The following ALPK1 variants were observed in gnomAD, a reference collection of about 807,000 sequenced individuals.
ALPK1 encodes alpha kinase 1.
A neutral mutation model predicts 120.6 loss-of-function variants in ALPK1; 110 were observed. The ratio of observed to expected loss-of-function variants is 0.91; its 90% CI spans 0.78 to 1.07. ALPK1 has a LOEUF of 1.07. Ranked by LOEUF, ALPK1 falls within the 50% of genes least tolerant of loss-of-function variation. ALPK1 has a pLI of 0.00. For synonymous variants in ALPK1, 582 were observed against 560.3 expected (o/e 1.04, Z -0.55); for missense variants, 1,498 against 1,483.9 (o/e 1.01, Z -0.16).
chr4:112,342,549 C>A (rs998459274), intron 2 of ALPK1, among the ~76,000 whole-genome samples: 3 of 152,000 alleles, frequency 2.0e-5, no homozygotes, highest in Non-Finnish European at 2.9e-5. Context: ...AAAGCATGAC[C>A]TCAGGCTCCT....
chr4:112,350,853 T>G (rs1297797803), intron 2 of ALPK1, among the ~76,000 whole-genome samples: 9 of 152,206 alleles, frequency 5.9e-5, no homozygotes, highest in Non-Finnish European at 5.9e-5. Context: ...TATTTTCCCC[T>G]ACTTTATGAC....
intron 5 of ALPK1, among the ~76,000 whole-genome samples, chr4:112,413,218 A>G (rs1055648882): frequency 2.0e-5 from 3 of 152,340 alleles, no homozygotes; most frequent in Admixed American, 6.5e-5. Flanking sequence ...TCTGAGGGGA[A>G]CAGAGTGGTG....
At position 112,380,392 on chromosome 4, in the gene ALPK1, G is replaced by A. The variant is rs148549694; in HGVS notation, c.122-2006G>A. On this transcript the variant is annotated intron_variant, in intron 3 of 15. Coordinates refer to ENST00000650871, the MANE Select transcript of ALPK1 (RefSeq NM_025144.4). ...CACACAGTAGATGCTCAGTAGTCCTGGACTGCTCAATGGAGATAGGGGGTG... is the reference window on the plus strand; with the variant it reads ...CACACAGTAGATGCTCAGTAGTCCTAGACTGCTCAATGGAGATAGGGGGTG... Among the ~76,000 whole-genome samples the A allele has an allele frequency of 6.9e-3, 1,058 of 152,246 alleles. 6 individuals are homozygous for A. The highest frequency in any genetic ancestry group is 0.011 in the Non-Finnish European group (750 of 68,000).
chr4:112,418,612 T>C (rs1733850707), intron 5 of ALPK1, among the ~76,000 whole-genome samples: 1 of 152,132 alleles, frequency 6.6e-6, no homozygotes, highest in Non-Finnish European at 1.5e-5. Flanking sequence ...TGCAGCGTCC[T>C]TCCACACCCC....
At position 112,427,679 on chromosome 4, in the gene ALPK1, C is replaced by T; in HGVS notation, c.795+14C>T. On this transcript the variant is annotated intron_variant, in intron 9 of 15. Coordinates refer to ENST00000650871, the MANE Select transcript of ALPK1 (RefSeq NM_025144.4). ...CAAATTAATTTGGTAATTATCATAA[C>T]ACTGAGTGGCATCACCTGTAAAATT... The T allele has an allele frequency of 6.4e-7, 1 of 1,554,642 alleles. No homozygotes were observed. Among genetic ancestry groups the T allele is most frequent in the Non-Finnish European group, 8.9e-7 (1 of 1,126,328 alleles).
intron 2 of ALPK1, among the ~76,000 whole-genome samples, chr4:112,366,194 A>G (rs1731143236): frequency 6.6e-6 from 1 of 152,186 alleles, no homozygotes; most frequent in Non-Finnish European, 1.5e-5. Flanking sequence ...TGCAACAAAA[A>G]CAAAGATAAA....
intron 2 of ALPK1, chr4:112,359,584 C>G (rs1282240323): frequency 2.4e-5 from 6 of 249,326 alleles, no homozygotes; most frequent in African/African-American, 1.4e-4. Flanking sequence ...GCTTCCCAAC[C>G]AGACCGCTCA....
At chr4:112,313,274 G>A (rs950782967) in intron 1 of ALPK1, among the ~76,000 whole-genome samples, 1 of 152,222 alleles carries the variant, frequency 6.6e-6, no homozygotes, top group African/African-American at 2.4e-5. Flanking sequence ...AACATCAAGA[G>A]ATCTAGAAGA....
At chr4:112,428,290 C>A (rs564419388) in intron 9 of ALPK1, among the ~76,000 whole-genome samples, 2 of 152,228 alleles carry the variant, frequency 1.3e-5, no homozygotes, top group South Asian at 4.2e-4. Flanking sequence ...TCTGACCAGC[C>A]CAGAGAAGTG....
chr4:112,432,105 AG>A lies in ALPK1; in HGVS notation c.2560del (p.Glu854ArgfsTer24). 6.2e-7 allele frequency: 1 copy of A among 1,614,178 alleles called. No homozygotes were observed. Among genetic ancestry groups the A allele is most frequent in the Non-Finnish European group, 8.5e-7 (1 of 1,180,008 alleles). ...GIDPDASTVD[E>X]EGQLLDSMDV... ...GACCCTGATGCCTCCACAGTGGATG[AG>A]GAGGGGCAACTGCTCGACAGCATGG... On this transcript the variant is annotated frameshift_variant, in exon 11 of 16. Transcript: ENST00000650871. LOFTEE classifies it high-confidence loss of function.
intron 10 of ALPK1, among the ~76,000 whole-genome samples, chr4:112,429,711 G>A (rs756334702): frequency 1.3e-4 from 20 of 151,722 alleles, no homozygotes; most frequent in Admixed American, 8.5e-4. Context: ...GTGGTGGTAC[G>A]TGCCTATAGT....
At chr4:112,358,861 C>A (rs34011476) in intron 2 of ALPK1, 72,164 of 782,730 alleles carry the variant, frequency 0.092, 4,401 homozygotes, top group Non-Finnish European at 0.12. Flanking sequence ...CACAAGGGTT[C>A]CGATGACTTT....
chr4:112,352,347 C>G (rs972274598), intron 2 of ALPK1, among the ~76,000 whole-genome samples: 1 of 152,184 alleles, frequency 6.6e-6, no homozygotes, highest in Non-Finnish European at 1.5e-5. Context: ...CTCAAAAAAT[C>G]CACAATTCTG....
chr4:112,309,330 T>C (rs1322099092), intron 1 of ALPK1, among the ~76,000 whole-genome samples: 2 of 152,166 alleles, frequency 1.3e-5, no homozygotes, highest in Non-Finnish European at 2.9e-5. Flanking sequence ...TGTTCAGCTA[T>C]GCCCTGCCCC....
rs900509226 is a variant in ALPK1 at position 112,411,655 on chromosome 4, T to C, written c.277-172T>C. The stretch of plus-strand genomic sequence containing the variant: ...AAGGAAATACTATTTTATTGCACAA[T>C]TGAACTGGACTTTTCTATTTTCTTT... On this transcript the variant is annotated intron_variant, in intron 4 of 15. Coordinates refer to ENST00000650871, the MANE Select transcript of ALPK1 (RefSeq NM_025144.4). The C allele has an allele frequency of 1.1e-5, 7 of 629,580 alleles. No individual in the cohort carries two copies. The African/African-American group carries it at 1.3e-4, about 12-fold the overall frequency. The allele number at this position is 629,580 out of a possible 1,614,324, so 39.0% of individuals were successfully genotyped here.
intron 2 of ALPK1, among the ~76,000 whole-genome samples, chr4:112,317,625 T>C (rs1230249813): frequency 1.3e-5 from 2 of 152,156 alleles, no homozygotes; most frequent in African/African-American, 4.8e-5. Context: ...ATGGCTTCAT[T>C]GTAAGTTTTG....
intron 1 of ALPK1, among the ~76,000 whole-genome samples, chr4:112,311,121 G>A (rs1357665891): frequency 6.6e-6 from 1 of 152,200 alleles, no homozygotes; most frequent in Non-Finnish European, 1.5e-5. Context: ...TTGGAAGCAG[G>A]AGACTTACTG....
intron 12 of ALPK1, among the ~76,000 whole-genome samples, chr4:112,437,751 A>G (rs1734848768): frequency 6.6e-6 from 1 of 152,192 alleles, no homozygotes; most frequent in Non-Finnish European, 1.5e-5. Flanking sequence ...TGGGATTCAG[A>G]AATTTCTGGA....
intron 5 of ALPK1, chr4:112,415,152 GTCTGAATTTAC>G (rs1733682285): frequency 6.6e-6 from 1 of 152,184 alleles, no homozygotes; most frequent in South Asian, 2.1e-4. Context: ...TGAGTGTGGA[GTCTGAATTTAC>G]TCTGCCCACA....
Sources: gnomAD v4.1 joint callset for allele counts (sites outside exome capture counted in the v4.1 genomes callset) on GRCh38, gnomAD v4.1.1 for gene constraint, MANE v1.5 for transcripts, NCBI Gene and HGNC (gene_info 2026-07-23, HGNC 2026-07-21) for gene names.